Variants in ATP9B observed in about 807,000 individuals in gnomAD.
ATP9B encodes ATPase phospholipid transporting 9B.
ATP9B carries 110 observed loss-of-function variants against 146.1 expected under a neutral mutation model. The observed-to-expected ratio is 0.75, with a 90% CI of 0.65 to 0.88. The LOEUF is 0.88. ATP9B is among the 40% of genes least tolerant of loss of function. The pLI, the probability that ATP9B is intolerant of heterozygous loss-of-function variation, is 0.00. For synonymous variants in ATP9B, 604 were observed against 569.7 expected (o/e 1.06, Z -0.86); for missense variants, 1,499 against 1,496.4 (o/e 1.00, Z -0.03).
chr18:79,366,872 A>G (rs2097032818), intron 26 of ATP9B, among the ~76,000 whole-genome samples: 1 of 152,256 alleles, frequency 6.6e-6, no homozygotes, highest in African/African-American at 2.4e-5. Context: ...CTGAACAAGA[A>G]TCAGTGAGGC....
At chr18:79,251,877 A>G (rs187492841) in intron 11 of ATP9B, among the ~76,000 whole-genome samples, 5 of 152,348 alleles carry the variant, frequency 3.3e-5, no homozygotes, top group Admixed American at 6.5e-5. Flanking sequence ...AAGTTGTTCC[A>G]GATTCAGGAG....
chr18:79,221,240 G>A (rs544870046), intron 11 of ATP9B, among the ~76,000 whole-genome samples: 47 of 151,928 alleles, frequency 3.1e-4, no homozygotes, highest in South Asian at 1.2e-3. Context: ...CTCCACCACC[G>A]ACTACCCCCG....
rs1194742031 is a variant in ATP9B, at chr18:79,110,583, G to C, written c.444+78G>C. ...CCTTTGCTATAGGATGGAGCCTGTT[G>C]AGACTCTGACTTAGGTATTGAGTTG... is the stretch of plus-strand genomic sequence containing the variant. On this transcript the variant is annotated intron_variant, in intron 3 of 29. Coordinates refer to ENST00000426216, the MANE Select transcript of ATP9B (RefSeq NM_198531.5). The C allele has an allele frequency of 5.7e-6, 8 of 1,401,976 alleles. No homozygotes were observed. The African/African-American group carries it at 1.2e-4, about 20-fold the overall frequency. The allele number at this position is 1,401,976 out of a possible 1,614,324, so 86.8% of individuals were successfully genotyped here. A position where few individuals can be genotyped will look rare whatever the true frequency, so the allele number is the denominator to read the frequency against.
intron 3 of ATP9B, 71 bp downstream of exon 3, chr18:79,110,576 G>A: frequency 6.9e-7 from 1 of 1,443,330 alleles, no homozygotes; most frequent in South Asian, 1.4e-5. Flanking sequence ...ATAGGATGGA[G>A]CCTGTTGAGA....
intron 13 of ATP9B, among the ~76,000 whole-genome samples, chr18:79,292,474 T>G (rs1014601647): frequency 2.0e-5 from 3 of 151,532 alleles, no homozygotes; most frequent in Non-Finnish European, 4.4e-5. Context: ...AATATTTCAT[T>G]GTGTTAAGAC....
Position 79,110,371 on chromosome 18 carries a change from A to G in ATP9B, c.310A>G (p.Ile104Val), listed in dbSNP as rs777060597. 26 of 1,605,422 alleles carry G rather than the reference A, an allele frequency of 1.6e-5. No individual in the cohort carries two copies. The highest frequency in any genetic ancestry group is 6.8e-5 in the Admixed American group (4 of 58,582). ...TTCATACAGTTGCTGTGGTTGGCTG[A>G]TAAATATTTGTCGAAGAAAGAAAGA... ...FLCTSCCGWL[I>V]NICRRKKELK... Residue 104 changes from isoleucine (I) to valine (V), a missense_variant, in exon 3 of 30, where the codon ATA becomes GTA. Coordinates refer to ENST00000426216, the MANE Select transcript of ATP9B (RefSeq NM_198531.5).
At chr18:79,343,823 C>T (rs985431527) in intron 20 of ATP9B, 6 of 249,446 alleles carry the variant, frequency 2.4e-5, no homozygotes, top group Non-Finnish European at 4.6e-5. Context: ...CGCCAGCCTA[C>T]CCTGGCCTGT....
intron 4 of ATP9B, among the ~76,000 whole-genome samples, chr18:79,124,810 G>A (rs958431401): frequency 2.0e-5 from 3 of 152,204 alleles, no homozygotes; most frequent in Admixed American, 1.3e-4. Context: ...CTGGAGAGAT[G>A]TGTGGAAGGA....
chr18:79,258,842 G>T (rs1487883851), intron 12 of ATP9B, among the ~76,000 whole-genome samples: 1 of 152,226 alleles, frequency 6.6e-6, no homozygotes, highest in African/African-American at 2.4e-5. Context: ...ACGCAGGGAT[G>T]AGAACCGTTG....
At chr18:79,268,882 G>A (rs1341541162) in intron 12 of ATP9B, among the ~76,000 whole-genome samples, 1 of 151,962 alleles carries the variant, frequency 6.6e-6, no homozygotes, top group Non-Finnish European at 1.5e-5. Flanking sequence ...AGTTTCATTG[G>A]GTATAGAATT....
chr18:79,233,692 G>A (rs2095813254), intron 11 of ATP9B, among the ~76,000 whole-genome samples: 1 of 152,136 alleles, frequency 6.6e-6, no homozygotes, highest in Non-Finnish European at 1.5e-5. Context: ...TGACCAATGA[G>A]CAGCAGAGGG....
At chr18:79,122,634 C>G (rs906000365) in intron 4 of ATP9B, among the ~76,000 whole-genome samples, 1 of 152,152 alleles carries the variant, frequency 6.6e-6, no homozygotes, top group Admixed American at 6.5e-5. Flanking sequence ...AGAAGTGAAA[C>G]TGCTTGTTTA....
At chr18:79,096,728 A>G (rs1381184462) in intron 2 of ATP9B, 79 bp downstream of exon 2, 4 of 1,108,464 alleles carry the variant, frequency 3.6e-6, no homozygotes, top group East Asian at 2.6e-5. Flanking sequence ...CTTATTAGCT[A>G]TATTAATATA....
chr18:79,287,369 T>C (rs995092896), intron 13 of ATP9B, among the ~76,000 whole-genome samples: 1 of 152,216 alleles, frequency 6.6e-6, no homozygotes, highest in African/African-American at 2.4e-5. Context: ...GTTGAGGAAT[T>C]TATCCATTTC....
At chr18:79,177,336 A>G (rs936976717) in intron 8 of ATP9B, among the ~76,000 whole-genome samples, 13 of 152,264 alleles carry the variant, frequency 8.5e-5, no homozygotes, top group African/African-American at 3.1e-4. Context: ...CCTGGGCTCA[A>G]GTGATGCTCT....
chr18:79,375,343 G>A (rs1264185318), intron 28 of ATP9B, 51 bp from the exon 29 acceptor site: 1 of 1,484,974 alleles, frequency 6.7e-7, no homozygotes, highest in Non-Finnish European at 9.3e-7. Context: ...GAAATATCCT[G>A]GTATCTCCTT....
chr18:79,322,157 G>A (rs957959262), intron 15 of ATP9B, among the ~76,000 whole-genome samples: 2 of 152,090 alleles, frequency 1.3e-5, no homozygotes, highest in South Asian at 2.1e-4. Context: ...ACAGGACTGC[G>A]TCATCCCTAG....
rs1467154977 is a variant in ATP9B, at chr18:79,374,024, A to C, written c.3197A>C (p.His1066Pro). 1.9e-6 allele frequency: 3 copies of C among 1,614,186 alleles called. No individual in the cohort carries two copies. The South Asian group carries it at 3.3e-5, about 18-fold the overall frequency. The change falls in exon 28 of 30, where the codon CAC becomes CCC. Residue 1066 changes from histidine (H) to proline (P), a missense_variant. His to Pro is a moderately conservative substitution (Grantham distance 77). Coordinates refer to ENST00000426216, the MANE Select transcript of ATP9B (RefSeq NM_198531.5). ...GTGGCGCTGACCGTCCGCACGTGGC[A>C]CTGGCTGATGGTGGTGGCCGAGTTC... Reference protein sequence around the residue: ...LMVALTVRTWHWLMVVAEFLS... With the variant: ...LMVALTVRTWPWLMVVAEFLS...
intron 13 of ATP9B, among the ~76,000 whole-genome samples, chr18:79,295,326 A>G (rs993899591): frequency 6.6e-6 from 1 of 152,264 alleles, no homozygotes; most frequent in Non-Finnish European, 1.5e-5. Context: ...AATTATGTTT[A>G]TAACCATCTT....
Sources: allele counts gnomAD v4.1 joint callset (sites outside exome capture counted in the v4.1 genomes callset), GRCh38; gene constraint gnomAD v4.1.1; transcripts MANE v1.5; gene names NCBI Gene and HGNC (gene_info 2026-07-23, HGNC 2026-07-21).